The following RANBP17 variants were observed in gnomAD, a reference collection of about 807,000 sequenced individuals.
The protein encoded by RANBP17 is ran-binding protein 17.
Under a neutral mutation model 141.2 loss-of-function variants are expected in RANBP17, and 158 were observed. The ratio of observed to expected loss-of-function variants is 1.12; its 90% CI spans 0.98 to 1.28. RANBP17 has a LOEUF of 1.28. Among genes scored for constraint, RANBP17 ranks in the 50% most tolerant of loss-of-function variants. The pLI, the probability that RANBP17 is intolerant of heterozygous loss-of-function variation, is 0.00. For missense variants in RANBP17, 1,438 were observed against 1,290.7 expected (o/e 1.11, Z -1.75); for synonymous variants, 430 against 450.0 (o/e 0.96, Z 0.56).
chr5:171,094,674 T>TA lies in RANBP17; in HGVS notation c.1711-75455dup, dbSNP rs1415395885. On this transcript the variant is annotated intron_variant, in intron 14 of 27. Transcript: ENST00000523189. ...AACATTACTTCTGATCTTTCAGAAG[T>TA]ACGTTCTCTTCGTGTAAAGGAATTA... 4.6e-4 allele frequency among the ~76,000 whole-genome samples: 70 copies of TA among 152,226 alleles called. 2 individuals carry two copies. The highest frequency in any genetic ancestry group is 4.6e-3 in the Admixed American group (70 of 15,274).
intron 14 of RANBP17, among the ~76,000 whole-genome samples, chr5:171,159,396 A>G (rs1201948862): frequency 1.3e-5 from 2 of 152,320 alleles, no homozygotes; most frequent in East Asian, 3.9e-4. Context: ...CATCAGTCAC[A>G]AAAGAACTAA....
At chr5:171,155,563 A>C (rs1178676240) in intron 14 of RANBP17, among the ~76,000 whole-genome samples, 1 of 152,200 alleles carries the variant, frequency 6.6e-6, no homozygotes, top group African/African-American at 2.4e-5. Flanking sequence ...TAATCTGTGA[A>C]AATGAAATAA....
chr5:170,964,396 T>C (rs911078744), intron 13 of RANBP17, among the ~76,000 whole-genome samples: 1 of 152,098 alleles, frequency 6.6e-6, no homozygotes, highest in African/African-American at 2.4e-5. Context: ...GTTGTTGTTG[T>C]TAATTTTATT....
chr5:171,038,147 A>T (rs1434076922), intron 14 of RANBP17, among the ~76,000 whole-genome samples: 1 of 145,008 alleles, frequency 6.9e-6, no homozygotes, highest in Non-Finnish European at 1.5e-5. Context: ...TTTTGTTTAG[A>T]TGTATTCTTA....
rs1235892324 is a variant in RANBP17, at chr5:171,228,460, AC to A, written c.2422+6622del. ...GATGAGGAGTTGCTTCTTCTGGATG[AC>A]CAAAGAAAGTGGTGTCTTGAGATGG... On this transcript the variant is annotated intron_variant, in intron 22 of 27. Transcript: ENST00000523189. Among the ~76,000 whole-genome samples, 16 of 152,322 alleles carry A rather than the reference AC, an allele frequency of 1.1e-4. No homozygotes were observed. In the East Asian group the frequency reaches 3.1e-3, roughly 29 times the overall value.
intron 14 of RANBP17, among the ~76,000 whole-genome samples, chr5:171,006,741 A>C (rs923299446): frequency 6.5e-5 from 6 of 92,168 alleles, no homozygotes; most frequent in Non-Finnish European, 1.3e-4. Context: ...AACTTAAAGT[A>C]TTAAAAAAAA....
At chr5:170,937,067 C>T (rs755613080) in intron 12 of RANBP17, among the ~76,000 whole-genome samples, 2 of 152,094 alleles carry the variant, frequency 1.3e-5, no homozygotes, top group Non-Finnish European at 2.9e-5. Context: ...ATAGTTGTTC[C>T]CTTTTAAAAA....
chr5:171,075,315 A>T (rs1301654493), intron 14 of RANBP17, among the ~76,000 whole-genome samples: 1 of 152,246 alleles, frequency 6.6e-6, no homozygotes, highest in African/African-American at 2.4e-5. Context: ...AATGTAATAT[A>T]AAAGACCATA....
chr5:171,105,824 C>T (rs913140244), intron 14 of RANBP17, among the ~76,000 whole-genome samples: 8 of 152,132 alleles, frequency 5.3e-5, no homozygotes, highest in African/African-American at 1.9e-4. Flanking sequence ...AACCAAGGTT[C>T]TCTGCAGCAG....
At position 170,938,778 on chromosome 5, in the gene RANBP17, G is replaced by C. The variant is rs569297116; in HGVS notation, c.1468+14228G>C. Among the ~76,000 whole-genome samples, 3 of 152,254 alleles carry C rather than the reference G, an allele frequency of 2.0e-5. No individual in the cohort carries two copies. The South Asian group carries it at 6.2e-4, about 32-fold the overall frequency. On this transcript the variant is annotated intron_variant, in intron 12 of 27. Transcript: ENST00000523189. ...AATTTTCAAGACTGCAGGAAAAAAG[G>C]AAAATGAAAATATTAAAAGAGACGT...
intron 18 of RANBP17, among the ~76,000 whole-genome samples, chr5:171,190,599 A>T (rs1329235988): frequency 6.6e-6 from 1 of 152,184 alleles, no homozygotes; most frequent in Non-Finnish European, 1.5e-5. Flanking sequence ...CAAGTTCCCT[A>T]GGTTATTTAA....
intron 14 of RANBP17, among the ~76,000 whole-genome samples, chr5:171,154,051 T>TA (rs1758678643): frequency 7.1e-6 from 1 of 141,370 alleles, no homozygotes; most frequent in African/African-American, 2.6e-5. Context: ...AATAAATAAA[T>TA]AAAAATTGCA....
chr5:170,944,487 C>T (rs953915957), intron 12 of RANBP17, among the ~76,000 whole-genome samples: 12 of 152,152 alleles, frequency 7.9e-5, no homozygotes, highest in Non-Finnish European at 1.6e-4. Flanking sequence ...AGGCTGGTCT[C>T]GAGCCCATGA....
At chr5:171,081,366 G>T (rs1785250147) in intron 14 of RANBP17, among the ~76,000 whole-genome samples, 1 of 152,134 alleles carries the variant, frequency 6.6e-6, no homozygotes, top group Non-Finnish European at 1.5e-5. Flanking sequence ...AGTATACTCT[G>T]CAGATTTGAT....
intron 23 of RANBP17, 80 bp downstream of exon 23, chr5:171,241,222 GC>G: frequency 9.6e-7 from 1 of 1,040,360 alleles, no homozygotes; most frequent in Non-Finnish European, 1.4e-6. Context: ...TTATAATGAA[GC>G]CCAGGGAGTT....
At chr5:171,245,129 CA>C (rs953578587) in intron 24 of RANBP17, among the ~76,000 whole-genome samples, 19 of 142,952 alleles carry the variant, frequency 1.3e-4, no homozygotes, top group African/African-American at 3.8e-4. Context: ...ACTCTGTCTC[CA>C]AAAAAAAAAG....
chr5:171,113,724 T>G, intron 14 of RANBP17, among the ~76,000 whole-genome samples: 1 of 152,186 alleles, frequency 6.6e-6, no homozygotes, highest in East Asian at 1.9e-4. Context: ...TTTTAACTTC[T>G]GTGCCAGGAG....
At chr5:171,041,315 GTTT>G (rs1443507194) in intron 14 of RANBP17, among the ~76,000 whole-genome samples, 4 of 152,028 alleles carry the variant, frequency 2.6e-5, no homozygotes. Flanking sequence ...ATTCCTCATT[GTTT>G]TTGATCATCT....
At chr5:171,126,698 C>T (rs1009139672) in intron 14 of RANBP17, among the ~76,000 whole-genome samples, 15 of 152,174 alleles carry the variant, frequency 9.9e-5, no homozygotes, top group African/African-American at 3.1e-4. Context: ...AACAAAAATA[C>T]GCTAACAAAA....
Sources: gnomAD v4.1 joint callset for allele counts (sites outside exome capture counted in the v4.1 genomes callset) on GRCh38, gnomAD v4.1.1 for gene constraint, MANE v1.5 for transcripts, NCBI Gene and HGNC (gene_info 2026-07-23, HGNC 2026-07-21) for gene names.